PITPNB: variants seen among roughly 807,000 people sequenced by gnomAD.
PITPNB encodes the protein phosphatidylinositol transfer protein beta.
Under a neutral mutation model 45.9 loss-of-function variants are expected in PITPNB, and 16 were observed. The ratio of observed to expected loss-of-function variants is 0.35; its 90% confidence interval spans 0.24 to 0.53. PITPNB has a LOEUF of 0.53. Ranked by LOEUF, PITPNB falls within the 20% of genes least tolerant of loss-of-function variation. PITPNB has a pLI of 0.93. For synonymous variants in PITPNB, 112 were observed against 108.9 expected (o/e 1.03, Z -0.18); for missense variants, 188 against 330.5 (o/e 0.57, Z 3.34).
At chr22:27,905,843 T>C (rs1440664625) in intron 3 of PITPNB, among the ~76,000 whole-genome samples, 3 of 152,194 alleles carry the variant, frequency 2.0e-5, no homozygotes, top group Non-Finnish European at 4.4e-5. Context: ...GTTCGTACAG[T>C]GAGGTCTCAG....
intron 7 of PITPNB, among the ~76,000 whole-genome samples, chr22:27,883,461 C>G (rs1199883041): frequency 1.3e-5 from 2 of 152,224 alleles, no homozygotes; most frequent in Non-Finnish European, 2.9e-5. Context: ...CAATCTTCAC[C>G]ATTAATAATG....
intron 3 of PITPNB, among the ~76,000 whole-genome samples, chr22:27,907,085 T>C (rs1935784322): frequency 6.6e-6 from 1 of 152,196 alleles, no homozygotes; most frequent in South Asian, 2.1e-4. Flanking sequence ...ATTGATGTTA[T>C]ATAGTGACGG....
At chr22:27,884,118 C>A (rs970818933) in intron 7 of PITPNB, among the ~76,000 whole-genome samples, 1 of 151,674 alleles carries the variant, frequency 6.6e-6, no homozygotes, top group Non-Finnish European at 1.5e-5. Flanking sequence ...ACAGCAGCAA[C>A]AACCCAGGGA....
intron 7 of PITPNB, among the ~76,000 whole-genome samples, chr22:27,882,265 T>C (rs1162184977): frequency 6.6e-6 from 1 of 152,094 alleles, no homozygotes; most frequent in Non-Finnish European, 1.5e-5. Context: ...ACACCCATGG[T>C]TTAAAACAAT....
At position 27,909,207 on chromosome 22, in the gene PITPNB, CTTTTTTTTT is replaced by C. The variant is rs34224616; in HGVS notation, c.197+1748_197+1756del. ...TGCCCTTAGATAAATACTGGTAGTA[CTTTTTTTTT>C]TTTTTTTTTTTTTGGCTTGTTTCTT... is the stretch of plus-strand genomic sequence containing the variant. On this transcript the variant is annotated intron_variant, in intron 3 of 11. Coordinates refer to ENST00000335272, the MANE Select transcript of PITPNB (RefSeq NM_012399.5). Among the ~76,000 whole-genome samples, 29 of 82,244 alleles carry C rather than the reference CTTTTTTTTT, an allele frequency of 3.5e-4. No individual in the cohort carries two copies. The South Asian group carries it at 8.5e-3, about 24-fold the overall frequency. The allele number at this position is 82,244 out of a possible 152,430, so 54.0% of individuals were successfully genotyped here. A position where few individuals can be genotyped will look rare whatever the true frequency, so the allele number is the denominator to read the frequency against.
chr22:27,886,881 CT>C (rs1035462500), intron 7 of PITPNB, among the ~76,000 whole-genome samples: 20 of 151,580 alleles, frequency 1.3e-4, no homozygotes, highest in African/African-American at 2.4e-4. Flanking sequence ...AACCATTTAA[CT>C]TTTTTTTTAA....
chr22:27,865,306 A>G (rs1266874095), intron 8 of PITPNB, among the ~76,000 whole-genome samples: 1 of 152,230 alleles, frequency 6.6e-6, no homozygotes, highest in African/African-American at 2.4e-5. Context: ...TTTCACTATA[A>G]ACAATCTGGC....
chr22:27,876,161 G>C (rs1006712781), intron 7 of PITPNB, among the ~76,000 whole-genome samples: 4 of 152,136 alleles, frequency 2.6e-5, no homozygotes, highest in African/African-American at 7.2e-5. Flanking sequence ...CTTAGCCTCA[G>C]TCCTGGGCAC....
intron 7 of PITPNB, among the ~76,000 whole-genome samples, chr22:27,889,111 C>A (rs891831325): frequency 4.9e-4 from 74 of 152,178 alleles, no homozygotes; most frequent in African/African-American, 1.7e-3. Context: ...CACAACTGCG[C>A]TGGGAGAGGG....
intron 3 of PITPNB, chr22:27,898,120 A>C (rs1252731851): frequency 1.6e-5 from 7 of 445,174 alleles, no homozygotes; most frequent in Non-Finnish European, 2.9e-5. Context: ...TCATGCCTGT[A>C]ATCCTAGCAT....
At chr22:27,863,565 T>C (rs1473625106) in intron 8 of PITPNB, among the ~76,000 whole-genome samples, 1 of 152,192 alleles carries the variant, frequency 6.6e-6, no homozygotes, top group Non-Finnish European at 1.5e-5. Context: ...GATTGAACAT[T>C]AGAAGGTCCT....
chr22:27,887,030 CT>C lies in PITPNB; in HGVS notation c.456+7524del, dbSNP rs1935141636. 5.3e-5 allele frequency among the ~76,000 whole-genome samples: 8 copies of C among 152,306 alleles called. No homozygotes were observed. In the South Asian group the frequency reaches 1.7e-3, roughly 32 times the overall value. ...GAGGATCACTATACCTTCAGAAGGT[CT>C]TCCTAATTTTCTTTTTCCAAATCAC... On this transcript the variant is annotated intron_variant, in intron 7 of 11. Transcript: ENST00000335272.
At chr22:27,885,789 C>T (rs888009118) in intron 7 of PITPNB, among the ~76,000 whole-genome samples, 1 of 152,114 alleles carries the variant, frequency 6.6e-6, no homozygotes, top group Non-Finnish European at 1.5e-5. Context: ...ACTTCAACTC[C>T]TCCAAAAAGC....
chr22:27,857,541 C>T (rs890101802), intron 10 of PITPNB, among the ~76,000 whole-genome samples: 4 of 152,178 alleles, frequency 2.6e-5, no homozygotes, highest in African/African-American at 7.2e-5. Flanking sequence ...CACACGCAGG[C>T]GTCTGTCAAA....
intron 3 of PITPNB, among the ~76,000 whole-genome samples, chr22:27,910,120 T>C (rs909141665): frequency 6.6e-6 from 1 of 151,794 alleles, no homozygotes; most frequent in Non-Finnish European, 1.5e-5. Flanking sequence ...CCAGGCTAAT[T>C]TTTGTATTTT....
At chr22:27,890,347 T>C (rs191127103) in intron 7 of PITPNB, among the ~76,000 whole-genome samples, 204 of 146,514 alleles carry the variant, frequency 1.4e-3, no homozygotes, top group African/African-American at 5.0e-3. Flanking sequence ...GAAATATGCA[T>C]ACTGGAATTA....
intron 10 of PITPNB, among the ~76,000 whole-genome samples, chr22:27,856,699 T>C (rs116178225): frequency 0.049 from 7,520 of 152,260 alleles, 297 homozygotes; most frequent in South Asian, 0.12. Flanking sequence ...GGTAAATCCT[T>C]GTAGGAAATG....
chr22:27,884,318 G>C (rs372304914), intron 7 of PITPNB, among the ~76,000 whole-genome samples: 4 of 152,318 alleles, frequency 2.6e-5, no homozygotes, highest in African/African-American at 7.2e-5. Context: ...AGGTAAGGAA[G>C]AGGCACATGA....
intron 7 of PITPNB, among the ~76,000 whole-genome samples, chr22:27,893,099 T>C (rs1419867257): frequency 6.6e-6 from 1 of 152,230 alleles, no homozygotes; most frequent in Non-Finnish European, 1.5e-5. Context: ...CATACCGTGC[T>C]TGACCACGAC....
Sources: allele counts gnomAD v4.1 joint callset (sites outside exome capture counted in the v4.1 genomes callset), GRCh38; gene constraint gnomAD v4.1.1; transcripts MANE v1.5; gene names NCBI Gene and HGNC (gene_info 2026-07-23, HGNC 2026-07-21).